Variants in TP53I13 observed in about 807,000 individuals in gnomAD.
The protein encoded by TP53I13 is tumor protein p53 inducible protein 13, also known as tumor protein p53-inducible protein 13.
Under a neutral mutation model 39.1 loss-of-function variants are expected in TP53I13, and 27 were observed. That is an observed-to-expected ratio of 0.69 (90% CI 0.51 to 0.95). The LOEUF (loss-of-function observed/expected upper bound fraction) is 0.95. Ranked by LOEUF, TP53I13 falls within the 40% of genes least tolerant of loss-of-function variation. The pLI is 0.00. For missense variants in TP53I13, 544 were observed against 520.4 expected, an observed-to-expected ratio of 1.05 and a Z score of -0.44; for synonymous variants, 230 against 224.6, an observed-to-expected ratio of 1.02 and a Z score of -0.22.
At chr17:29,581,813 G>A in the TP53I13 span, 10 of 1,612,308 alleles carry the variant, frequency 6.2e-6, no homozygotes, top group East Asian at 4.5e-5. The surrounding 1 kb of genome is among the most constrained non-coding windows in gnomAD (Gnocchi z 4.8). Context: ...CAGCCTTTCC[G>A]CCAGCTCATG....
chr17:29,572,671 C>G lies in TP53I13; in HGVS notation c.1043C>G (p.Thr348Arg). Residue 348 changes from threonine to arginine, a missense_variant, in exon 6 of 7, where the codon ACA becomes AGA. Physicochemically the swap from Thr to Arg is moderately conservative, Grantham distance 71 (BLOSUM62 -1). Transcript: ENST00000301057. Reference sequence around the variant, plus strand: ...GGGGAGAGCATCTACTGGGGGCCCACAGCGGACAGCCAGGACACAGTGGCT... The same window carrying G: ...GGGGAGAGCATCTACTGGGGGCCCAGAGCGGACAGCCAGGACACAGTGGCT... The part of the protein sequence containing the change: ...RRGESIYWGP[T>R]ADSQDTVAAV... 2 of 1,574,000 alleles carry G rather than the reference C, an allele frequency of 1.3e-6. No homozygotes were observed. The highest frequency in any genetic ancestry group is 1.7e-6 in the Non-Finnish European group (2 of 1,160,482).
downstream of TP53I13, chr17:29,577,703 T>C (rs1429171461): frequency 6.2e-7 from 1 of 1,612,878 alleles, no homozygotes; most frequent in African/African-American, 1.3e-5. Flanking sequence ...GGCACTGCGC[T>C]CTGTCACCAG....
At chr17:29,577,038 C>A, downstream of TP53I13, 1 of 1,606,486 alleles carries the variant, frequency 6.2e-7, no homozygotes, top group Non-Finnish European at 8.5e-7. Flanking sequence ...CTCCACCACA[C>A]AACCCATCTC....
the TP53I13 span, chr17:29,581,704 G>A: frequency 6.6e-7 from 1 of 1,519,678 alleles, no homozygotes; most frequent in Non-Finnish European, 9.1e-7. This position sits in a 1 kb window ranked among gnomAD's most constrained non-coding sequence, Gnocchi z 4.8. Flanking sequence ...GCCCCAGCCA[G>A]GCCTGTCACA....
chr17:29,574,526 C>A, downstream of TP53I13: 1 of 673,626 alleles, frequency 1.5e-6, no homozygotes, highest in East Asian at 2.5e-5. Flanking sequence ...CCCCACCTCC[C>A]CATCCTTAGG....
upstream of TP53I13, chr17:29,566,314 G>A (rs778780742): frequency 8.1e-6 from 13 of 1,611,652 alleles, no homozygotes; most frequent in Admixed American, 6.7e-5. Context: ...GTATGTGACC[G>A]CCTCCTTGAG....
At chr17:29,566,832 G>C (rs2032726878), upstream of TP53I13, 10 of 1,517,852 alleles carry the variant, frequency 6.6e-6, no homozygotes, top group Admixed American at 2.0e-5. Context: ...CCTCCCCGTC[G>C]TCTCGGTCTT....
chr17:29,578,545 GA>G, the TP53I13 span, among the ~76,000 whole-genome samples: 1 of 152,348 alleles, frequency 6.6e-6, no homozygotes, highest in East Asian at 1.9e-4. Context: ...TCCAAGGTGG[GA>G]GAGAAGGGAC....
At chr17:29,577,133 C>G, downstream of TP53I13, 2 of 1,612,924 alleles carry the variant, frequency 1.2e-6, no homozygotes, top group Non-Finnish European at 1.7e-6. Flanking sequence ...ACAACCCTCC[C>G]ACCTGTGGGG....
chr17:29,571,210 GCT>G (rs1353896019), intron 3 of TP53I13: 23 of 205,652 alleles, frequency 1.1e-4, no homozygotes, highest in African/African-American at 5.1e-4. Flanking sequence ...GTATTTGGAT[GCT>G]CTTGGGAGAC....
At chr17:29,577,655 G>A (rs746766343), downstream of TP53I13, 2 of 1,605,596 alleles carry the variant, frequency 1.2e-6, no homozygotes, top group South Asian at 1.1e-5. Flanking sequence ...CTGATTCCGC[G>A]TGGCTGAGTA....
At chr17:29,577,538 C>A (rs2033255002), downstream of TP53I13, 2 of 798,148 alleles carry the variant, frequency 2.5e-6, no homozygotes, top group South Asian at 3.0e-5. Flanking sequence ...CTGAGGGAGG[C>A]CCTGGCAAAT....
chr17:29,568,694 G>C (rs1428753878), upstream of TP53I13: 1 of 1,114,920 alleles, frequency 9.0e-7, no homozygotes, highest in African/African-American at 1.7e-5. The surrounding 1 kb of genome is among the most constrained non-coding windows in gnomAD (Gnocchi z 4.5). Flanking sequence ...CTGGAGGGGC[G>C]GGGCGCGCGC....
At chr17:29,578,791 G>A in the TP53I13 span, 11 of 1,613,656 alleles carry the variant, frequency 6.8e-6, no homozygotes, top group East Asian at 2.2e-5. Flanking sequence ...TGAGGGCAGA[G>A]GGAGATGGGA....
chr17:29,577,586 T>C, downstream of TP53I13: 7 of 1,107,496 alleles, frequency 6.3e-6, no homozygotes. Flanking sequence ...CACTGCCGGA[T>C]GAGGAGGGAC....
At chr17:29,568,613 T>C (rs2032789045), upstream of TP53I13, 11 of 319,618 alleles carry the variant, frequency 3.4e-5, no homozygotes, top group Non-Finnish European at 5.0e-5. The surrounding 1 kb of genome is among the most constrained non-coding windows in gnomAD (Gnocchi z 4.5). Context: ...GCCCACTGTC[T>C]GGGGAGGGGC....
the TP53I13 span, among the ~76,000 whole-genome samples, chr17:29,580,518 T>C: frequency 6.6e-6 from 1 of 152,204 alleles, no homozygotes; most frequent in Non-Finnish European, 1.5e-5. Flanking sequence ...TCTTATGTGC[T>C]GGGTGAGTGG....
downstream of TP53I13, chr17:29,576,802 G>C: frequency 6.4e-7 from 1 of 1,574,212 alleles, no homozygotes; most frequent in South Asian, 1.1e-5. Context: ...GGACAGAGCT[G>C]GGCCTCAGCG....
At chr17:29,567,000 G>A (rs1598546530), upstream of TP53I13, 1 of 1,276,432 alleles carries the variant, frequency 7.8e-7, no homozygotes, top group Non-Finnish European at 9.8e-7. Context: ...GGCAGCGGGC[G>A]GCGGGGCCGT....
Sources: allele counts gnomAD v4.1 joint callset (sites outside exome capture counted in the v4.1 genomes callset), GRCh38; gene constraint gnomAD v4.1.1; non-coding constraint Gnocchi (gnomAD v3.1); transcripts MANE v1.5; gene names NCBI Gene and HGNC (gene_info 2026-07-23, HGNC 2026-07-21).